The following SCMH1 variants were observed in gnomAD, a reference collection of about 807,000 sequenced individuals.
SCMH1 encodes the protein polycomb protein SCMH1.
SCMH1 carries 37 observed loss-of-function variants against 70.8 expected under a neutral mutation model. That is an observed-to-expected ratio of 0.52 (90% confidence interval 0.40 to 0.69). The LOEUF (loss-of-function observed/expected upper bound fraction) is 0.69. SCMH1 is among the 30% of genes least tolerant of loss of function. SCMH1 has a pLI of 0.00. For missense variants in SCMH1, 607 were observed against 827.3 expected, an observed-to-expected ratio of 0.73 and a Z score of 3.27; for synonymous variants, 292 against 307.4, an observed-to-expected ratio of 0.95 and a Z score of 0.52.
chr1:41,149,132 A>G (rs1644843822), intron 5 of SCMH1, among the ~76,000 whole-genome samples: 1 of 152,020 alleles, frequency 6.6e-6, no homozygotes, highest in Admixed American at 6.6e-5. Context: ...TTATTTCTTC[A>G]AATATTTTTT....
At chr1:41,220,292 G>A (rs1391214574) in intron 1 of SCMH1, among the ~76,000 whole-genome samples, 1 of 152,152 alleles carries the variant, frequency 6.6e-6, no homozygotes, top group East Asian at 1.9e-4. Flanking sequence ...AGTTGAAGGA[G>A]TTTTACCAGA....
chr1:41,116,276 T>C (rs1400599979), intron 7 of SCMH1, among the ~76,000 whole-genome samples: 1 of 152,240 alleles, frequency 6.6e-6, no homozygotes, highest in Non-Finnish European at 1.5e-5. Context: ...ACTAGCAGCA[T>C]AGGCAAACCT....
chr1:41,035,952 T>C (rs1447697753), intron 13 of SCMH1, among the ~76,000 whole-genome samples: 1 of 152,182 alleles, frequency 6.6e-6, no homozygotes, highest in Non-Finnish European at 1.5e-5. Flanking sequence ...TATGCTGTGC[T>C]CTCCTTCAAA....
intron 5 of SCMH1, among the ~76,000 whole-genome samples, chr1:41,149,211 A>C (rs1253704425): frequency 6.6e-6 from 1 of 152,114 alleles, no homozygotes; most frequent in African/African-American, 2.4e-5. Context: ...AAGTTAACCC[A>C]TAGTTCACAG....
intron 10 of SCMH1, 66 bp from the exon 11 acceptor site, chr1:41,048,956 T>A: frequency 2.1e-6 from 3 of 1,410,576 alleles, no homozygotes; most frequent in Non-Finnish European, 2.9e-6. Context: ...GAGAACAGCA[T>A]CCTATTCCAT....
chr1:41,213,068 C>G (rs541061442), intron 1 of SCMH1, among the ~76,000 whole-genome samples: 1 of 151,814 alleles, frequency 6.6e-6, no homozygotes, highest in South Asian at 2.1e-4. Context: ...ACAGATAGAT[C>G]CAAATAATAA....
chr1:41,070,050 G>T (rs1471975733), intron 10 of SCMH1, among the ~76,000 whole-genome samples: 1 of 152,096 alleles, frequency 6.6e-6, no homozygotes, highest in Non-Finnish European at 1.5e-5. Flanking sequence ...TTACCCCCTT[G>T]GAAGGCTGTG....
chr1:41,199,326 C>T (rs1228618090), intron 1 of SCMH1, among the ~76,000 whole-genome samples: 1 of 152,128 alleles, frequency 6.6e-6, no homozygotes, highest in Non-Finnish European at 1.5e-5. Context: ...CTAAGAGTAG[C>T]CATTGTCTTG....
At chr1:41,068,099 G>C (rs1214907690) in intron 10 of SCMH1, among the ~76,000 whole-genome samples, 1 of 152,188 alleles carries the variant, frequency 6.6e-6, no homozygotes, top group African/African-American at 2.4e-5. Flanking sequence ...TCCTAAACGT[G>C]TGTAAAATCC....
intron 1 of SCMH1, among the ~76,000 whole-genome samples, chr1:41,218,704 A>C (rs541813778): frequency 6.6e-6 from 1 of 152,234 alleles, no homozygotes; most frequent in Non-Finnish European, 1.5e-5. Flanking sequence ...AGTACATACC[A>C]GGCATGGTAT....
chr1:41,209,927 TG>T (rs1293152733), intron 1 of SCMH1, among the ~76,000 whole-genome samples: 2 of 152,222 alleles, frequency 1.3e-5, no homozygotes, highest in African/African-American at 4.8e-5. Context: ...AAATTGTCCC[TG>T]TTTGCAGATG....
chr1:41,131,903 A>G (rs1674833799), intron 6 of SCMH1, among the ~76,000 whole-genome samples: 1 of 152,212 alleles, frequency 6.6e-6, no homozygotes, highest in African/African-American at 2.4e-5. Context: ...GCTGCATAGT[A>G]TTCCATGGTG....
Position 41,072,787 on chromosome 1 carries a change from G to T in SCMH1, c.979-2066C>A, listed in dbSNP as rs1026633323. ...AGGCTGAGGTGGGAGGATCGCTTGA[G>T]CCCAGGAGGTCAAGGCTGCAGTAAA... On this transcript the variant is annotated intron_variant, in intron 9 of 14. Transcript: ENST00000337495. Among the ~76,000 whole-genome samples, 5 of 152,224 alleles carry T rather than the reference G, an allele frequency of 3.3e-5. No individual in the cohort carries two copies. In the South Asian group the frequency reaches 1.0e-3, roughly 32 times the overall value.
intron 6 of SCMH1, among the ~76,000 whole-genome samples, chr1:41,136,546 GTA>G (rs1451976798): frequency 6.6e-6 from 1 of 151,526 alleles, no homozygotes; most frequent in African/African-American, 2.4e-5. Context: ...GCTAATTTTT[GTA>G]TTTTTAGTAG....
chr1:41,087,358 T>C (rs911856879), intron 8 of SCMH1, among the ~76,000 whole-genome samples: 1 of 151,726 alleles, frequency 6.6e-6, no homozygotes, highest in Non-Finnish European at 1.5e-5. Context: ...GAGAAACAAA[T>C]GAAAAACTAC....
intron 8 of SCMH1, among the ~76,000 whole-genome samples, chr1:41,092,165 C>T (rs532387668): frequency 2.2e-4 from 33 of 152,066 alleles, no homozygotes; most frequent in Non-Finnish European, 3.2e-4. Context: ...GTAGTGGTAC[C>T]AAAACAGAGG....
At chr1:41,238,468 T>A (rs1259829472) in intron 1 of SCMH1, among the ~76,000 whole-genome samples, 3 of 152,106 alleles carry the variant, frequency 2.0e-5, no homozygotes, top group Non-Finnish European at 4.4e-5. Flanking sequence ...TAAAAACCCC[T>A]CCTCCTTCAA....
chr1:41,149,515 T>C (rs1302027962), intron 5 of SCMH1, among the ~76,000 whole-genome samples: 2 of 152,214 alleles, frequency 1.3e-5, no homozygotes, highest in African/African-American at 4.8e-5. Context: ...TCCTGCCTCT[T>C]TGCATGCCTG....
At position 41,125,775 on chromosome 1, in the gene SCMH1, C is replaced by A. The variant is rs145903689; in HGVS notation, c.413-8765G>T. ...TTTTCCAGTAGAGATGGGGGTCTTG[C>A]CATGTTGCCCAGGCTGGTCTCGAAC... On this transcript the variant is annotated intron_variant, in intron 6 of 14. Coordinates refer to ENST00000337495, the Ensembl canonical transcript of SCMH1. 3.1e-3 allele frequency among the ~76,000 whole-genome samples: 474 copies of A among 151,856 alleles called. 4 individuals carry two copies. Among genetic ancestry groups the A allele is most frequent in the Middle Eastern group, 6.8e-3 (2 of 294 alleles).
Sources: gnomAD v4.1 joint callset for allele counts (sites outside exome capture counted in the v4.1 genomes callset) on GRCh38, gnomAD v4.1.1 for gene constraint, MANE v1.5 for transcripts, NCBI Gene and HGNC (gene_info 2026-07-23, HGNC 2026-07-21) for gene names.